HUWE1: variants seen among roughly 807,000 people sequenced by gnomAD.
HUWE1 encodes HECT, UBA and WWE domain containing E3 ubiquitin protein ligase 1.
HUWE1 carries 18 observed loss-of-function variants against 299.4 expected under a neutral mutation model. The ratio of observed to expected loss-of-function variants is 0.06; its 90% CI spans 0.04 to 0.09. HUWE1 has a LOEUF of 0.09. Among genes scored for constraint, HUWE1 ranks in the 10% least tolerant of loss-of-function variants. The probability of loss-of-function intolerance (pLI) is 1.00; values close to 1 mark genes in which losing one functional copy is unlikely to be tolerated. For missense variants in HUWE1, 1,832 were observed against 3,462.3 expected, an observed-to-expected ratio of 0.53 and a Z score of 11.82; for synonymous variants, 1,317 against 1,286.1, an observed-to-expected ratio of 1.02 and a Z score of -0.51.
chrX:53,546,835 AACAG>A lies in HUWE1; in HGVS notation c.10637-14_10637-11del, dbSNP rs1556923409. 1.7e-6 allele frequency: 2 copies of A among 1,198,772 alleles called. No individual in the cohort carries two copies. The highest frequency in any genetic ancestry group is 2.2e-6 in the Non-Finnish European group (2 of 889,618). On this transcript the variant is annotated splice_polypyrimidine_tract_variant and intron_variant, in intron 68 of 83. Coordinates refer to ENST00000262854, the MANE Select transcript of HUWE1 (RefSeq NM_031407.7). Reference sequence around the variant, plus strand: ...TTAGTAGTGGGAGAAACTTTGAGGAAACAGACAGAACACTGTAAGCCTCTCTGAA... The same window carrying A: ...TTAGTAGTGGGAGAAACTTTGAGGAAACAGAACACTGTAAGCCTCTCTGAA...
intron 15 of HUWE1, 67 bp downstream of exon 15, chrX:53,628,426 T>A: frequency 9.4e-7 from 1 of 1,069,302 alleles, no homozygotes. Flanking sequence ...ACCCCAAACT[T>A]GCATCTCTAC....
At chrX:53,535,226 T>C (rs782161621) in intron 81 of HUWE1, among the ~76,000 whole-genome samples, 158 bp downstream of exon 81, 38 of 112,300 alleles carry the variant, frequency 3.4e-4, no homozygotes, top group Admixed American at 5.7e-4. Context: ...TGAGCCACCG[T>C]GCCCAAAGTT....
intron 3 of HUWE1, among the ~76,000 whole-genome samples, chrX:53,654,769 A>C (rs1255273029): frequency 1.8e-5 from 2 of 112,525 alleles, no homozygotes; most frequent in African/African-American, 6.5e-5. Flanking sequence ...TATAAAACTT[A>C]TGTCTAAAGA....
At chrX:53,586,600 A>G in intron 38 of HUWE1, 29 bp from the exon 39 acceptor site, 1 of 1,129,826 alleles carries the variant, frequency 8.9e-7, no homozygotes. Flanking sequence ...CTGTTTTGGG[A>G]AAGCAAGAAA....
chrX:53,650,715 A>G (rs1207879776), intron 4 of HUWE1, among the ~76,000 whole-genome samples: 1 of 112,151 alleles, frequency 8.9e-6, no homozygotes, highest in Non-Finnish European at 1.9e-5. Flanking sequence ...GATCAATAAA[A>G]GCCTTTCATA....
intron 7 of HUWE1, among the ~76,000 whole-genome samples, chrX:53,634,952 C>T (rs1557025491): frequency 2.0e-4 from 22 of 111,957 alleles, no homozygotes; most frequent in Non-Finnish European, 1.5e-4. Context: ...TCTTAACAGC[C>T]TTTAAAATAT....
chrX:53,564,829 G>A (rs2062451867), intron 50 of HUWE1, 107 bp from the exon 51 acceptor site: 1 of 1,035,392 alleles, frequency 9.7e-7, no homozygotes, highest in East Asian at 3.0e-5. Flanking sequence ...AAGTTTGTAA[G>A]TTCTCAGAGA....
intron 70 of HUWE1, among the ~76,000 whole-genome samples, chrX:53,546,195 CACT>C (rs1464770281): frequency 9.0e-6 from 1 of 110,995 alleles, no homozygotes; most frequent in Non-Finnish European, 1.9e-5. Flanking sequence ...CATTAAGCAC[CACT>C]GTGTGCCGGG....
chrX:53,558,960 C>A lies in HUWE1; in HGVS notation c.8005+11G>T. The A allele has an allele frequency of 8.4e-7, 1 of 1,189,566 alleles. No homozygotes were observed. Among genetic ancestry groups the A allele is most frequent in the East Asian group, 3.0e-5 (1 of 33,272 alleles). Reference sequence around the variant, plus strand: ...GCTCACTATTGCCCTGATAACCAAGCTGCCACGCACCTGAAACACAGTCAT... The same window carrying A: ...GCTCACTATTGCCCTGATAACCAAGATGCCACGCACCTGAAACACAGTCAT... On this transcript the variant is annotated intron_variant, in intron 58 of 83. Coordinates refer to ENST00000262854, the MANE Select transcript of HUWE1 (RefSeq NM_031407.7).
chrX:53,645,752 T>C (rs868949488), intron 6 of HUWE1, among the ~76,000 whole-genome samples: 5 of 79,292 alleles, frequency 6.3e-5, no homozygotes, highest in Non-Finnish European at 1.1e-4. Context: ...TATATATATA[T>C]ATATATATAT....
At chrX:53,534,746 T>C (rs371700087) in intron 81 of HUWE1, 49 bp from the exon 82 acceptor site, 2 of 1,112,820 alleles carry the variant, frequency 1.8e-6, no homozygotes, top group Non-Finnish European at 2.5e-6. Context: ...CACACAACCG[T>C]AGAGGTCAGA....
At position 53,549,088 on chromosome X, in the gene HUWE1, C is replaced by T. The variant is rs2061664132; in HGVS notation, c.9906G>A (p.Gln3302=). 1.7e-6 allele frequency: 2 copies of T among 1,210,342 alleles called. No individual in the cohort carries two copies. The highest frequency in any genetic ancestry group is 1.7e-5 in the African/African-American group (1 of 57,281). The stretch of plus-strand genomic sequence containing the variant: ...GTTTACGCCCCCCTGAACGCTGGAT[C>T]TGAAATATATTAGTCCTGCAGCCTA... The part of the protein sequence containing the change: ...AALGCRTNIF[Q]IQRSGGRKHT... The change falls in exon 67 of 84, where the codon CAG becomes CAA. Residue 3302 remains glutamine, a synonymous_variant. Coordinates refer to ENST00000262854, the MANE Select transcript of HUWE1 (RefSeq NM_031407.7).
intron 29 of HUWE1, among the ~76,000 whole-genome samples, chrX:53,595,713 TAA>T (rs782064713): frequency 8.9e-6 from 1 of 111,861 alleles, no homozygotes; most frequent in African/African-American, 3.3e-5. Context: ...TAGTGGATGA[TAA>T]AGTCACTTAA....
intron 22 of HUWE1, 33 bp from the exon 23 acceptor site, chrX:53,614,778 G>A (rs984310883): frequency 1.1e-5 from 11 of 1,008,462 alleles, no homozygotes; most frequent in Non-Finnish European, 1.4e-5. Flanking sequence ...TTACTTATTA[G>A]TAATCATGGA....
chrX:53,685,285 TTATTGAAATTG>T (rs2070394316), intron 2 of HUWE1, among the ~76,000 whole-genome samples: 1 of 112,199 alleles, frequency 8.9e-6, no homozygotes, highest in Non-Finnish European at 1.9e-5. Context: ...CTTGGTATAT[TTATTGAAATTG>T]CATCAACTGT....
Position 53,534,528 on chromosome X carries a change from G to T in HUWE1, c.12819C>A (p.Ser4273=). ...KSNTEYHKYQ[S]NSIQIQWFWR... ...AGCAGCAGCTCACCTGAATAGAGTT[G>T]GACTGGTACTTGTGGTATTCAGTGT... Residue 4273 remains serine, a synonymous_variant, in exon 82 of 84, where the codon TCC becomes TCA. Transcript: ENST00000262854. 1 of 1,208,069 alleles carries T rather than the reference G, an allele frequency of 8.3e-7. No individual in the cohort carries two copies. Among genetic ancestry groups the T allele is most frequent in the Non-Finnish European group, 1.1e-6 (1 of 893,153 alleles).
intron 3 of HUWE1, among the ~76,000 whole-genome samples, chrX:53,664,022 T>C (rs192933539): frequency 3.5e-3 from 385 of 111,289 alleles, no homozygotes; most frequent in African/African-American, 0.012. Context: ...CTATAAATCA[T>C]GGATCCATTT....
intron 3 of HUWE1, among the ~76,000 whole-genome samples, chrX:53,655,994 A>G (rs781978606): frequency 1.8e-5 from 2 of 112,010 alleles, no homozygotes; most frequent in East Asian, 5.6e-4. Context: ...AGAAAACCCA[A>G]GAAATCTATT....
intron 3 of HUWE1, among the ~76,000 whole-genome samples, chrX:53,659,143 A>G (rs1420725013): frequency 1.2e-4 from 14 of 112,706 alleles, no homozygotes; most frequent in African/African-American, 4.2e-4. Flanking sequence ...TCAGTTCAGC[A>G]ATTTCTTACA....
Sources: gnomAD v4.1 joint callset for allele counts (sites outside exome capture counted in the v4.1 genomes callset) on GRCh38, gnomAD v4.1.1 for gene constraint, MANE v1.5 for transcripts, NCBI Gene and HGNC (gene_info 2026-07-23, HGNC 2026-07-21) for gene names.